The following ZNF462 variants were observed in gnomAD, a reference collection of about 807,000 sequenced individuals.
ZNF462 encodes zinc finger protein 462.
In ZNF462, 10 loss-of-function variants were observed where a neutral mutation model predicts 201.9. The observed-to-expected ratio is 0.05, with a 90% CI of 0.03 to 0.08. ZNF462 has a LOEUF of 0.08. Ranked by LOEUF, ZNF462 falls within the 10% of genes least tolerant of loss-of-function variation. The pLI is 1.00. For missense variants in ZNF462, 2,523 were observed against 3,168.3 expected (o/e 0.80, Z 4.89); for synonymous variants, 1,227 against 1,193.3 (o/e 1.03, Z -0.58).
chr9:106,953,835 A>C (rs1274167361), intron 7 of ZNF462, among the ~76,000 whole-genome samples: 1 of 151,982 alleles, frequency 6.6e-6, no homozygotes, highest in Non-Finnish European at 1.5e-5. Flanking sequence ...TTTCCTACTA[A>C]ACTTGTCCCT....
intron 10 of ZNF462, among the ~76,000 whole-genome samples, chr9:106,991,839 T>TCTACACACACACAC (rs941555040): frequency 8.8e-5 from 12 of 136,350 alleles, no homozygotes; most frequent in African/African-American, 2.5e-4. Flanking sequence ...CAGCACTCTC[T>TCTACACACACACAC]ACACACACAC....
chr9:106,946,585 A>G (rs1238910264), intron 7 of ZNF462, among the ~76,000 whole-genome samples: 3 of 152,170 alleles, frequency 2.0e-5, no homozygotes, highest in Admixed American at 6.5e-5. Flanking sequence ...AGAGTGAGCC[A>G]TGATTTAGAG....
At position 107,008,192 on chromosome 9, in the gene ZNF462, C is replaced by T. The variant is rs1829697987; in HGVS notation, c.7190-1353C>T. Among the ~76,000 whole-genome samples, 2 of 152,072 alleles carry T rather than the reference C, an allele frequency of 1.3e-5. No homozygotes were observed. Among genetic ancestry groups the T allele is most frequent in the Non-Finnish European group, 2.9e-5 (2 of 68,024 alleles). ...GGAAGGCATTCTGTTGATTTCTTGC[C>T]CAAGATAATCCCTGCTAAGGAATTA... On this transcript the variant is annotated intron_variant, in intron 11 of 12. Coordinates refer to ENST00000277225, the MANE Select transcript of ZNF462 (RefSeq NM_021224.6). This position sits in a 1 kb window ranked among gnomAD's most constrained non-coding sequence, Gnocchi z 4.8.
Position 106,925,609 on chromosome 9 carries a change from C to A in ZNF462, c.1697C>A (p.Pro566Gln). 6.2e-7 allele frequency: 1 copy of A among 1,612,524 alleles called. No individual in the cohort carries two copies. The highest frequency in any genetic ancestry group is 8.5e-7 in the Non-Finnish European group (1 of 1,179,722). ...CAGCCACTGCAGCAGCCACAGCCAC[C>A]ACAGCTGCAGCCACCACATCAGGTG... ...QPQPLQQPQPPQLQPPHQVPP... is the reference protein window; with the variant it reads ...QPQPLQQPQPQQLQPPHQVPP... Residue 566 changes from proline to glutamine, a missense_variant, in exon 3 of 13, where the codon CCA (proline) becomes CAA (glutamine). Pro to Gln is a moderately conservative substitution (Grantham distance 76). Transcript: ENST00000277225. The surrounding 1 kb of genome is among the most constrained non-coding windows in gnomAD (Gnocchi z 7.9).
rs1031364994 is a variant in ZNF462, at chr9:106,927,323, C to T, written c.3411C>T (p.His1137=). 16 of 1,613,262 alleles carry T rather than the reference C, an allele frequency of 9.9e-6. No individual in the cohort carries two copies. Among genetic ancestry groups the T allele is most frequent in the East Asian group, 4.5e-5 (2 of 44,808 alleles). Residue 1137 remains histidine, a synonymous_variant, in exon 3 of 13, where the codon CAC becomes CAT. Coordinates refer to ENST00000277225, the MANE Select transcript of ZNF462 (RefSeq NM_021224.6). ...VGVLVHYQKR[H]PEIKVTAKYI... ...TGCTTGTCCACTACCAGAAAAGACA[C>T]CCAGAAATAAAGGTTACTGCCAAAT...
At chr9:106,986,065 C>T (rs985585512) in intron 10 of ZNF462, among the ~76,000 whole-genome samples, 6 of 152,144 alleles carry the variant, frequency 3.9e-5, no homozygotes, top group African/African-American at 1.4e-4. Flanking sequence ...CTACCTCAGA[C>T]CTTTTTATTA....
At position 106,929,320 on chromosome 9, in the gene ZNF462, T is replaced by TG. The variant is rs1830330055; in HGVS notation, c.5414dup (p.Tyr1806LeufsTer9). ...CCAAAGAAGCAGCACGCCAGCAAGT[T>TG]GGGGGGCTACTTCACGGCCGTCTAT... On this transcript the variant is annotated frameshift_variant, in exon 3 of 13. Transcript: ENST00000277225. LOFTEE classifies it high-confidence loss of function. The surrounding 1 kb of genome is among the most constrained non-coding windows in gnomAD (Gnocchi z 8.7). 6.2e-7 allele frequency: 1 copy of TG among 1,613,940 alleles called. No individual in the cohort carries two copies.
At chr9:106,894,996 C>T (rs530594058) in intron 1 of ZNF462, among the ~76,000 whole-genome samples, 12 of 152,168 alleles carry the variant, frequency 7.9e-5, no homozygotes, top group African/African-American at 2.6e-4. Flanking sequence ...TTTAATCTGA[C>T]GCTGCTGGTC....
chr9:106,887,486 G>A (rs1245107372), intron 1 of ZNF462, among the ~76,000 whole-genome samples: 1 of 152,134 alleles, frequency 6.6e-6, no homozygotes, highest in Non-Finnish European at 1.5e-5. Context: ...TTCCTGACAG[G>A]TTTCCTACTT....
Position 106,935,510 on chromosome 9 carries a change from C to T in ZNF462, c.6124C>T (p.Arg2042Cys), listed in dbSNP as rs751789609. The T allele has an allele frequency of 3.7e-6, 6 of 1,613,506 alleles. No individual in the cohort carries two copies. The highest frequency in any genetic ancestry group is 2.2e-5 in the East Asian group (1 of 44,876). Reference protein sequence around the residue: ...FVSAFRHNLDRHMQTHHGHHK... With the variant: ...FVSAFRHNLDCHMQTHHGHHK... The stretch of plus-strand genomic sequence containing the variant: ...TTTTCCTTCTACATCAAGTTTGGAT[C>T]GCCATATGCAAACCCACCACGGACA... Residue 2042 changes from arginine to cysteine, a missense_variant, in exon 6 of 13, where the codon CGC becomes TGC. Physicochemically the swap from Arg to Cys is radical, Grantham distance 180. Coordinates refer to ENST00000277225, the MANE Select transcript of ZNF462 (RefSeq NM_021224.6). The surrounding 1 kb of genome is among the most constrained non-coding windows in gnomAD (Gnocchi z 4.1).
intron 1 of ZNF462, among the ~76,000 whole-genome samples, chr9:106,915,175 T>G (rs1030504715): frequency 6.6e-6 from 1 of 151,660 alleles, no homozygotes; most frequent in Non-Finnish European, 1.5e-5. Context: ...ACAAATTCCT[T>G]AATGGCTGGA....
Position 106,966,071 on chromosome 9 carries a change from A to T in ZNF462, c.6428-5934A>T, listed in dbSNP as rs1297733017. On this transcript the variant is annotated intron_variant, in intron 7 of 12. Transcript: ENST00000277225. The surrounding 1 kb of genome is among the most constrained non-coding windows in gnomAD (Gnocchi z 4.4). Reference sequence around the variant, plus strand: ...TCACTTTGGGCATTTACAATATCTTAAGTTATCCACAGATAATATTCTGTT... The same window carrying T: ...TCACTTTGGGCATTTACAATATCTTTAGTTATCCACAGATAATATTCTGTT... 6.6e-6 allele frequency among the ~76,000 whole-genome samples: 1 copy of T among 152,072 alleles called. No individual in the cohort carries two copies. Among genetic ancestry groups the T allele is most frequent in the Non-Finnish European group, 1.5e-5 (1 of 67,972 alleles).
chr9:106,916,768 A>G (rs1395701550), intron 1 of ZNF462, among the ~76,000 whole-genome samples: 2 of 152,150 alleles, frequency 1.3e-5, no homozygotes, highest in Admixed American at 6.5e-5. Context: ...CTCATTTATC[A>G]TGGTTGCATT....
At chr9:106,910,960 G>A (rs764288529) in intron 1 of ZNF462, among the ~76,000 whole-genome samples, 6 of 152,152 alleles carry the variant, frequency 3.9e-5, no homozygotes, top group Admixed American at 3.3e-4. Context: ...TCACGAAAGC[G>A]TCATGTCATG....
At position 107,013,525 on chromosome 9, in the gene ZNF462, TAAAAACAAAAC is replaced by T. The variant is rs1830038663; in HGVS notation, c.*2506_*2516del. On this transcript the variant is annotated 3_prime_UTR_variant, in exon 13 of 13. Transcript: ENST00000277225. ...CCCTGAGTCCTTGAAGCCAAGGGTT[TAAAAACAAAAC>T]AAAAACAAAAAAAACCACAAGTAGG... The T allele has an allele frequency of 6.6e-6, 1 of 152,086 alleles. No individual in the cohort carries two copies. Among genetic ancestry groups the T allele is most frequent in the South Asian group, 2.1e-4 (1 of 4,818 alleles). The allele number at this position is 152,086 out of a possible 1,614,324, so 9.4% of individuals were successfully genotyped here. A position where few individuals can be genotyped will look rare whatever the true frequency, so the allele number is the denominator to read the frequency against.
At chr9:106,909,514 T>G (rs1829452348) in intron 1 of ZNF462, among the ~76,000 whole-genome samples, 1 of 152,202 alleles carries the variant, frequency 6.6e-6, no homozygotes, top group South Asian at 2.1e-4. Flanking sequence ...TTCCGTTGGT[T>G]GTATTTTGAA....
At chr9:106,918,609 C>T (rs1197814075) in intron 1 of ZNF462, among the ~76,000 whole-genome samples, 1 of 152,168 alleles carries the variant, frequency 6.6e-6, no homozygotes, top group East Asian at 1.9e-4. Flanking sequence ...TATAAGTTTA[C>T]TAGTGCCTTT....
At chr9:106,904,977 T>TG (rs35878882) in intron 1 of ZNF462, among the ~76,000 whole-genome samples, 21 of 152,040 alleles carry the variant, frequency 1.4e-4, no homozygotes, top group African/African-American at 4.1e-4. Context: ...GATTTTTTTG[T>TG]GGGGGGGTGT....
rs1205419746 is a variant in ZNF462, at chr9:106,883,229, C to T, written c.-31+19874C>T. Among the ~76,000 whole-genome samples the T allele has an allele frequency of 6.6e-6, 1 of 152,182 alleles. No individual in the cohort carries two copies. The highest frequency in any genetic ancestry group is 1.5e-5 in the Non-Finnish European group (1 of 68,028). ...CTTTTGAAGGGTGTGCGCTGCAGAG[C>T]AGTTTCCTGTTATTTGGTTAATGGT... On this transcript the variant is annotated intron_variant, in intron 1 of 12. Transcript: ENST00000277225. This position sits in a 1 kb window ranked among gnomAD's most constrained non-coding sequence, Gnocchi z 4.9.
Sources: gnomAD v4.1 joint callset for allele counts (sites outside exome capture counted in the v4.1 genomes callset) on GRCh38, gnomAD v4.1.1 for gene constraint, Gnocchi (gnomAD v3.1) non-coding constraint, MANE v1.5 for transcripts, NCBI Gene and HGNC (gene_info 2026-07-23, HGNC 2026-07-21) for gene names.